CDIN1: variants seen among roughly 807,000 people sequenced by gnomAD.
The protein encoded by CDIN1 is CDAN1 interacting nuclease 1, also known as CDAN1-interacting nuclease 1.
CDIN1 carries 33 observed loss-of-function variants against 45.3 expected under a neutral mutation model. The observed-to-expected ratio is 0.73, with a 90% CI of 0.55 to 0.97. The LOEUF is 0.97. Ranked by LOEUF, CDIN1 falls within the 50% of genes least tolerant of loss-of-function variation. The probability of loss-of-function intolerance (pLI) is 0.00; values close to 1 mark genes in which losing one functional copy is unlikely to be tolerated. For synonymous variants in CDIN1, 118 were observed against 124.4 expected (o/e 0.95, Z 0.34); for missense variants, 303 against 339.4 (o/e 0.89, Z 0.84).
In CDIN1 at chr15:36,794,108, G is replaced by A. The variant is rs557848005; in HGVS notation, c.717-14216G>A. 3.0e-4 allele frequency among the ~76,000 whole-genome samples: 43 copies of A among 143,478 alleles called. 1 individual carries two copies. In the South Asian group the frequency reaches 3.6e-3, roughly 12 times the overall value. 94.1% of individuals were successfully genotyped at this position (143,478 alleles called of 152,430 possible). Reference sequence around the variant, plus strand: ...GAGTCTTGCTCTGTCACCCAGGCTGGAGTGCAGTGATGCGATCTCGGCTCA... The same window carrying A: ...GAGTCTTGCTCTGTCACCCAGGCTGAAGTGCAGTGATGCGATCTCGGCTCA... On this transcript the variant is annotated intron_variant, in intron 10 of 10. Coordinates refer to ENST00000566621, the MANE Select transcript of CDIN1 (RefSeq NM_001321759.2).
At chr15:36,596,181 A>G (rs1315175024) in intron 1 of CDIN1, among the ~76,000 whole-genome samples, 2 of 65,500 alleles carry the variant, frequency 3.1e-5, no homozygotes. Context: ...TGTGAAAAAA[A>G]AAAGCTCATT....
rs989135310 is a variant in CDIN1 at position 36,608,577 on chromosome 15, C to T, written c.101+28616C>T. Among the ~76,000 whole-genome samples, 6 of 151,876 alleles carry T rather than the reference C, an allele frequency of 4.0e-5. No individual in the cohort carries two copies. The East Asian group carries it at 5.8e-4, about 15-fold the overall frequency. ...ATATTCTAGATACAAGCCTTATATA[C>T]GTGATTTGCAAGTATTTTTTTCTAG... On this transcript the variant is annotated intron_variant, in intron 1 of 10. Coordinates refer to ENST00000566621, the MANE Select transcript of CDIN1 (RefSeq NM_001321759.2).
At chr15:36,718,611 AT>A (rs1310427512) in intron 10 of CDIN1, among the ~76,000 whole-genome samples, 1 of 152,026 alleles carries the variant, frequency 6.6e-6, no homozygotes, top group Non-Finnish European at 1.5e-5. Context: ...ATAGTTCTTA[AT>A]AATATTAGTA....
intron 10 of CDIN1, among the ~76,000 whole-genome samples, chr15:36,757,859 A>G (rs1174397051): frequency 6.6e-6 from 1 of 152,076 alleles, no homozygotes; most frequent in Non-Finnish European, 1.5e-5. Context: ...TATCATCTCA[A>G]ATCATCACAG....
At chr15:36,671,644 C>G (rs1488646774) in intron 5 of CDIN1, among the ~76,000 whole-genome samples, 1 of 152,080 alleles carries the variant, frequency 6.6e-6, no homozygotes, top group Non-Finnish European at 1.5e-5. Context: ...CGTTACTCAG[C>G]AAACATATTA....
In CDIN1 at chr15:36,692,106, C is replaced by T. The variant is rs747368985; in HGVS notation, c.427-20C>T. On this transcript the variant is annotated intron_variant, in intron 6 of 10. Coordinates refer to ENST00000566621, the MANE Select transcript of CDIN1 (RefSeq NM_001321759.2). ...TTTGTAGCCGCCCCACCCCAGACCC[C>T]TTTTCTTATTTGTCTGCAGTGCATT... 2.5e-6 allele frequency: 4 copies of T among 1,612,942 alleles called. No individual in the cohort carries two copies. The Admixed American group carries it at 5.0e-5, about 20-fold the overall frequency.
chr15:36,757,044 A>G (rs753792379), intron 10 of CDIN1, among the ~76,000 whole-genome samples: 8 of 152,176 alleles, frequency 5.3e-5, no homozygotes, highest in Non-Finnish European at 7.3e-5. Flanking sequence ...ACAATCAGAG[A>G]ACAGCTAGAG....
At chr15:36,638,190 AAC>A (rs1459559757) in intron 1 of CDIN1, among the ~76,000 whole-genome samples, 1 of 152,236 alleles carries the variant, frequency 6.6e-6, no homozygotes, top group East Asian at 1.9e-4. Context: ...AAGTATGTTT[AAC>A]ACACAATTTT....
intron 4 of CDIN1, among the ~76,000 whole-genome samples, chr15:36,654,734 G>C (rs1453362241): frequency 6.6e-6 from 1 of 152,124 alleles, no homozygotes; most frequent in East Asian, 1.9e-4. Context: ...ATCTGCTTCT[G>C]TTTGGGGAAA....
chr15:36,600,756 C>A (rs1024136247), intron 1 of CDIN1, among the ~76,000 whole-genome samples: 2 of 152,036 alleles, frequency 1.3e-5, no homozygotes, highest in African/African-American at 2.4e-5. Flanking sequence ...AATTCTGGGA[C>A]CATTTATACC....
intron 1 of CDIN1, among the ~76,000 whole-genome samples, chr15:36,588,132 A>G (rs1194153245): frequency 1.3e-5 from 2 of 152,226 alleles, no homozygotes; most frequent in Middle Eastern, 3.2e-3. Context: ...TATATGGAAC[A>G]GTTGGTTGTA....
At chr15:36,607,496 A>G (rs548267619) in intron 1 of CDIN1, among the ~76,000 whole-genome samples, 4 of 152,284 alleles carry the variant, frequency 2.6e-5, no homozygotes, top group African/African-American at 9.6e-5. Context: ...ATGATCTAAT[A>G]TGCATTCCAT....
chr15:36,728,734 C>T lies in CDIN1; in HGVS notation c.716+18773C>T, dbSNP rs536850376. Among the ~76,000 whole-genome samples, 19 of 152,164 alleles carry T rather than the reference C, an allele frequency of 1.2e-4. No individual in the cohort carries two copies. In the South Asian group the frequency reaches 3.5e-3, roughly 28 times the overall value. On this transcript the variant is annotated intron_variant, in intron 10 of 10. Transcript: ENST00000566621. ...CTGTCACCAGACTGGAGTGCAGTGGCACAATCTCGGCTCACTGCAACCTGC... is the reference window on the plus strand; with the variant it reads ...CTGTCACCAGACTGGAGTGCAGTGGTACAATCTCGGCTCACTGCAACCTGC...
chr15:36,800,903 GTGTGTGTATATATATA>G (rs1377046190), intron 10 of CDIN1, among the ~76,000 whole-genome samples: 1 of 20,022 alleles, frequency 5.0e-5, no homozygotes, highest in African/African-American at 1.3e-4. Flanking sequence ...GTGTGTGTGT[GTGTGTGTATATATATA>G]TATATATATA....
chr15:36,607,134 A>G lies in CDIN1; in HGVS notation c.101+27173A>G, dbSNP rs1033052816. On this transcript the variant is annotated intron_variant, in intron 1 of 10. Coordinates refer to ENST00000566621, the MANE Select transcript of CDIN1 (RefSeq NM_001321759.2). ...GTGTCACTGGAAATCTGTGAACAGT[A>G]GGTGTAATCATGCCTGGTACCCATG... Among the ~76,000 whole-genome samples the G allele has an allele frequency of 1.2e-4, 19 of 152,314 alleles. No homozygotes were observed. The East Asian group carries it at 2.5e-3, about 20-fold the overall frequency.
intron 1 of CDIN1, among the ~76,000 whole-genome samples, chr15:36,619,477 ATCTATC>A (rs2039054389): frequency 8.6e-6 from 1 of 115,834 alleles, no homozygotes; most frequent in East Asian, 2.7e-4. Flanking sequence ...ATTTCTATCT[ATCTATC>A]TATCTATCTA....
In CDIN1 at chr15:36,808,330, G is replaced by A; in HGVS notation, c.723G>A (p.Gly241=). The A allele has an allele frequency of 6.2e-7, 1 of 1,613,286 alleles. No individual in the cohort carries two copies. The highest frequency in any genetic ancestry group is 8.5e-7 in the Non-Finnish European group (1 of 1,179,480). The change falls in exon 11 of 11, where the codon GGG becomes GGA. Residue 241 remains glycine, a synonymous_variant. Transcript: ENST00000566621. ...DQFWSYWNRF[G]PGLVIYWYGF... is the part of the protein sequence containing the mutation. ...TTTTCTGGTGTTTTTACAGATTTGGGCCAGGCTTAGTCATCTATTGGTATG... is the reference window on the plus strand; with the variant it reads ...TTTTCTGGTGTTTTTACAGATTTGGACCAGGCTTAGTCATCTATTGGTATG...
chr15:36,796,300 C>T (rs2054794384), intron 10 of CDIN1, among the ~76,000 whole-genome samples: 2 of 152,168 alleles, frequency 1.3e-5, no homozygotes, highest in African/African-American at 4.8e-5. Flanking sequence ...GGCACAAATG[C>T]TATTCTATTC....
chr15:36,630,649 G>A (rs1012296956), intron 1 of CDIN1, among the ~76,000 whole-genome samples: 5 of 152,106 alleles, frequency 3.3e-5, no homozygotes, highest in Middle Eastern at 3.2e-3. Flanking sequence ...AGGGAATACC[G>A]GAGGCTGGGT....
Sources: allele counts gnomAD v4.1 joint callset (sites outside exome capture counted in the v4.1 genomes callset), GRCh38; gene constraint gnomAD v4.1.1; transcripts MANE v1.5; gene names NCBI Gene and HGNC (gene_info 2026-07-23, HGNC 2026-07-21).